Variants in TRPM8 observed in about 807,000 individuals in gnomAD.
TRPM8 encodes the protein TRPM8 cationic channel.
A neutral mutation model predicts 133.7 loss-of-function variants in TRPM8; 110 were observed. That is an observed-to-expected ratio of 0.82 (90% CI 0.70 to 0.96). TRPM8 has a LOEUF of 0.96. Ranked by LOEUF, TRPM8 falls within the 40% of genes least tolerant of loss-of-function variation. TRPM8 has a pLI of 0.00. For synonymous variants in TRPM8, 535 were observed against 532.3 expected (o/e 1.01, Z -0.07); for missense variants, 1,291 against 1,379.5 (o/e 0.94, Z 1.02).
chr2:233,971,287 C>T (rs892944884), intron 17 of TRPM8, among the ~76,000 whole-genome samples: 8 of 152,148 alleles, frequency 5.3e-5, no homozygotes, highest in African/African-American at 1.4e-4. Flanking sequence ...GTCACTGACT[C>T]GTGTAAGAAT....
chr2:233,966,681 TG>T lies in TRPM8; in HGVS notation c.1955del (p.Gly652ValfsTer132). On this transcript the variant is annotated frameshift_variant, in exon 15 of 26. Transcript: ENST00000324695. LOFTEE classifies it high-confidence loss of function. ...GCTGCTGGTCTATTCCTGTGAAGCT[TG>T]GGGTGGAAGCAACTGTCTGGAGCTG... The part of the protein sequence containing the change: ...EQLLVYSCEA[W>X]GGSNCLELAV... 1.2e-6 allele frequency: 2 copies of T among 1,613,814 alleles called. No homozygotes were observed. The highest frequency in any genetic ancestry group is 1.7e-6 in the Non-Finnish European group (2 of 1,179,900).
chr2:233,934,686 T>C (rs1228863883), intron 3 of TRPM8, among the ~76,000 whole-genome samples: 1 of 152,224 alleles, frequency 6.6e-6, no homozygotes, highest in African/African-American at 2.4e-5. Flanking sequence ...CTTTGGTAGT[T>C]ACCCTGGGCT....
intron 24 of TRPM8, among the ~76,000 whole-genome samples, chr2:234,009,043 G>T (rs1028421200): frequency 1.3e-5 from 2 of 152,176 alleles, no homozygotes; most frequent in Non-Finnish European, 2.9e-5. Context: ...GGGAAGAAGT[G>T]GGGGAGTCTG....
At chr2:233,961,481 T>G (rs1691435891) in intron 12 of TRPM8, among the ~76,000 whole-genome samples, 1 of 152,114 alleles carries the variant, frequency 6.6e-6, no homozygotes, top group Admixed American at 6.5e-5. Context: ...AATTTTTGTA[T>G]TTTTAGTAGA....
intron 19 of TRPM8, 63 bp from the exon 20 acceptor site, chr2:233,982,990 G>A (rs1404608844): frequency 1.9e-5 from 29 of 1,561,070 alleles, no homozygotes; most frequent in Middle Eastern, 1.8e-4. Context: ...GGACGGCCGG[G>A]CCGGGGGGAC....
chr2:233,976,549 G>A (rs879480134), intron 17 of TRPM8, among the ~76,000 whole-genome samples: 2 of 152,158 alleles, frequency 1.3e-5, no homozygotes, highest in Non-Finnish European at 2.9e-5. Context: ...GCGGGAGGAA[G>A]GGTGGGGGTC....
At chr2:233,945,312 C>T (rs1439585611) in intron 6 of TRPM8, among the ~76,000 whole-genome samples, 1 of 152,120 alleles carries the variant, frequency 6.6e-6, no homozygotes, top group East Asian at 1.9e-4. Context: ...AACAAAGTAT[C>T]CATTTAATTA....
chr2:233,996,902 G>T (rs1305463672), intron 22 of TRPM8, among the ~76,000 whole-genome samples: 6 of 152,198 alleles, frequency 3.9e-5, no homozygotes, highest in Non-Finnish European at 7.3e-5. Flanking sequence ...CACGGTTTGT[G>T]ACTCTTCTTA....
chr2:234,006,818 A>G, intron 22 of TRPM8, 35 bp from the exon 23 acceptor site: 1 of 1,521,926 alleles, frequency 6.6e-7, no homozygotes, highest in East Asian at 2.3e-5. Context: ...GGCAAATGAA[A>G]CAATTTGAAT....
At chr2:233,929,097 C>T (rs1190528640) in intron 2 of TRPM8, among the ~76,000 whole-genome samples, 2 of 150,904 alleles carry the variant, frequency 1.3e-5, no homozygotes, top group Non-Finnish European at 1.5e-5. Context: ...CTGTGTCCTA[C>T]TGTGTGCTTA....
chr2:233,946,190 C>A, intron 7 of TRPM8, 160 bp downstream of exon 7: 1 of 705,762 alleles, frequency 1.4e-6, no homozygotes, highest in Non-Finnish European at 2.3e-6. Flanking sequence ...TTTTCCAACA[C>A]ATCAGGAATG....
At chr2:233,950,488 G>A (rs1446551445) in intron 9 of TRPM8, among the ~76,000 whole-genome samples, 2 of 152,212 alleles carry the variant, frequency 1.3e-5, no homozygotes, top group Non-Finnish European at 2.9e-5. Context: ...AAACATATCA[G>A]CCTTACTGAT....
At chr2:233,949,408 T>G (rs1312365021) in intron 8 of TRPM8, among the ~76,000 whole-genome samples, 1 of 152,220 alleles carries the variant, frequency 6.6e-6, no homozygotes, top group Non-Finnish European at 1.5e-5. Context: ...TAGGTGTTTA[T>G]CCAGGAAGAA....
At chr2:233,939,733 A>G (rs1484534220) in intron 5 of TRPM8, among the ~76,000 whole-genome samples, 1 of 152,238 alleles carries the variant, frequency 6.6e-6, no homozygotes, top group Non-Finnish European at 1.5e-5. Flanking sequence ...TTCTTCACCT[A>G]GATTCACCAA....
intron 5 of TRPM8, among the ~76,000 whole-genome samples, chr2:233,941,429 G>A (rs368711435): frequency 2.0e-5 from 3 of 152,118 alleles, no homozygotes. Context: ...GGATCACATC[G>A]TACTTACCTG....
intron 16 of TRPM8, 104 bp downstream of exon 16, chr2:233,969,911 T>TAA (rs1386230738): frequency 1.2e-6 from 1 of 843,200 alleles, no homozygotes; most frequent in African/African-American, 1.7e-5. Flanking sequence ...GCCTGGAACT[T>TAA]ATGATGTTTA....
intron 24 of TRPM8, among the ~76,000 whole-genome samples, chr2:234,009,114 G>A (rs917979271): frequency 6.6e-6 from 1 of 152,234 alleles, no homozygotes; most frequent in Admixed American, 6.5e-5. Flanking sequence ...TCCCATGCAA[G>A]GGAAGGCTCG....
intron 21 of TRPM8, among the ~76,000 whole-genome samples, chr2:233,995,100 G>A (rs1360757311): frequency 6.6e-6 from 1 of 152,170 alleles, no homozygotes; most frequent in Admixed American, 6.5e-5. Context: ...ACAAATAGAC[G>A]TGGGGCTGGA....
At chr2:233,933,269 T>A (rs1038794213) in intron 3 of TRPM8, among the ~76,000 whole-genome samples, 1 of 152,178 alleles carries the variant, frequency 6.6e-6, no homozygotes, top group African/African-American at 2.4e-5. Flanking sequence ...CACCATCCAA[T>A]ACGGTAGCCA....
Sources: allele counts gnomAD v4.1 joint callset (sites outside exome capture counted in the v4.1 genomes callset), GRCh38; gene constraint gnomAD v4.1.1; transcripts MANE v1.5; gene names NCBI Gene and HGNC (gene_info 2026-07-23, HGNC 2026-07-21).